The following RORA variants were observed in gnomAD, a reference collection of about 807,000 sequenced individuals.
RORA encodes the protein nuclear receptor ROR-alpha.
Under a neutral mutation model 69.5 loss-of-function variants are expected in RORA, and 7 were observed. That is an observed-to-expected ratio of 0.10 (90% CI 0.06 to 0.19). The LOEUF (loss-of-function observed/expected upper bound fraction) is 0.19, where lower values mean the gene tolerates loss of function less well. RORA is among the 10% of genes least tolerant of loss of function. The probability of loss-of-function intolerance (pLI) is 1.00; values close to 1 mark genes in which losing one functional copy is unlikely to be tolerated. For missense variants in RORA, 457 were observed against 663.0 expected (o/e 0.69, Z 3.41); for synonymous variants, 261 against 240.8 (o/e 1.08, Z -0.78).
intron 1 of RORA, among the ~76,000 whole-genome samples, chr15:60,857,400 T>C (rs1045002503): frequency 1.5e-5 from 2 of 136,448 alleles, no homozygotes; most frequent in Non-Finnish European, 3.3e-5. Flanking sequence ...GAAGTAAATG[T>C]ATCAGATGTT....
intron 1 of RORA, among the ~76,000 whole-genome samples, chr15:61,112,369 G>C (rs956538857): frequency 1.3e-5 from 2 of 152,314 alleles, no homozygotes; most frequent in African/African-American, 4.8e-5. Context: ...ACAGTGCCAG[G>C]AAAGAGGGAG....
intron 1 of RORA, among the ~76,000 whole-genome samples, chr15:60,869,300 G>A (rs776345114): frequency 4.6e-5 from 7 of 152,102 alleles, no homozygotes; most frequent in African/African-American, 7.2e-5. Flanking sequence ...CTGATTTCGC[G>A]ATTTTATAAA....
chr15:61,172,647 T>G (rs2079595517), intron 1 of RORA, among the ~76,000 whole-genome samples: 1 of 152,204 alleles, frequency 6.6e-6, no homozygotes, highest in Non-Finnish European at 1.5e-5. Context: ...TCACCACTAT[T>G]TTTAACTTCT....
At chr15:60,695,151 C>T (rs1340799079) in intron 1 of RORA, among the ~76,000 whole-genome samples, 3 of 34,118 alleles carry the variant, frequency 8.8e-5, no homozygotes, top group Non-Finnish European at 2.0e-4. Flanking sequence ...CAGCCAAAGC[C>T]TCTGCTTAGT....
intron 2 of RORA, among the ~76,000 whole-genome samples, chr15:60,589,132 CA>C (rs1385738933): frequency 1.3e-5 from 2 of 152,172 alleles, no homozygotes; most frequent in African/African-American, 2.4e-5. Flanking sequence ...AAAAATGGTA[CA>C]AAAATCCCAG....
chr15:60,733,255 T>C (rs893093924), intron 1 of RORA, among the ~76,000 whole-genome samples: 30 of 152,322 alleles, frequency 2.0e-4, no homozygotes, highest in African/African-American at 6.7e-4. Context: ...GTGATTTCTT[T>C]GAATTAGTAA....
chr15:60,561,516 C>T (rs898764352), intron 2 of RORA, among the ~76,000 whole-genome samples: 2 of 151,960 alleles, frequency 1.3e-5, no homozygotes, highest in Admixed American at 1.3e-4. Flanking sequence ...AATTTTATCC[C>T]GTGTTGTAGA....
Position 60,531,110 on chromosome 15 carries a change from C to T in RORA, c.282+656G>A, listed in dbSNP as rs954763770. 2.0e-5 allele frequency: 3 copies of T among 152,260 alleles called. No homozygotes were observed. Among genetic ancestry groups the T allele is most frequent in the Non-Finnish European group, 4.4e-5 (3 of 68,098 alleles). 9.4% of individuals were successfully genotyped at this position (152,260 alleles called of 1,614,324 possible). A position where few individuals can be genotyped will look rare whatever the true frequency, so the allele number is the denominator to read the frequency against. On this transcript the variant is annotated intron_variant, in intron 3 of 10. Coordinates refer to ENST00000335670, the MANE Select transcript of RORA (RefSeq NM_134261.3). This position sits in a 1 kb window ranked among gnomAD's most constrained non-coding sequence, Gnocchi z 4.8. ...TAAAATAGTCATAGCAGAAATAATA[C>T]TGATAATATTTAGAGTTAAATAGCA...
At chr15:60,875,305 C>T (rs2073601171) in intron 1 of RORA, among the ~76,000 whole-genome samples, 1 of 152,198 alleles carries the variant, frequency 6.6e-6, no homozygotes. Flanking sequence ...AAGGACACAG[C>T]TTTGTCTGCA....
intron 1 of RORA, among the ~76,000 whole-genome samples, chr15:61,035,263 T>C (rs973094607): frequency 1.3e-5 from 2 of 152,236 alleles, no homozygotes; most frequent in East Asian, 1.9e-4. Flanking sequence ...CGAGTGGCTA[T>C]ACAACTTCCC....
rs565586356 is a variant in RORA, at chr15:60,946,417, G to A, written c.167-267731C>T. Among the ~76,000 whole-genome samples the A allele has an allele frequency of 4.9e-4, 75 of 152,296 alleles. No individual in the cohort carries two copies. The South Asian group carries it at 6.2e-3, about 13-fold the overall frequency. On this transcript the variant is annotated intron_variant, in intron 1 of 10. Coordinates refer to ENST00000335670, the MANE Select transcript of RORA (RefSeq NM_134261.3). The stretch of plus-strand genomic sequence containing the variant: ...CGAGTGCCTGCGATTGCAGGCGCGC[G>A]CCGCCACGCCTGACTGGTTTTCGTA...
At chr15:60,700,297 A>G (rs1190215336) in intron 1 of RORA, among the ~76,000 whole-genome samples, 1 of 152,226 alleles carries the variant, frequency 6.6e-6, no homozygotes, top group Non-Finnish European at 1.5e-5. Flanking sequence ...CAAAATTTTC[A>G]GCAGCAATGC....
chr15:60,738,511 G>GC (rs113408888), intron 1 of RORA, among the ~76,000 whole-genome samples: 4,174 of 152,212 alleles, frequency 0.027, 203 homozygotes, highest in African/African-American at 0.096. Context: ...GGCTTCACAA[G>GC]CCCTTTCTCC....
At position 60,491,854 on chromosome 15, in the gene RORA, T is replaced by A. The variant is rs570635928; in HGVS notation, c.*5601A>T. On this transcript the variant is annotated 3_prime_UTR_variant, in exon 11 of 11. Coordinates refer to ENST00000335670, the MANE Select transcript of RORA (RefSeq NM_134261.3). The stretch of plus-strand genomic sequence containing the variant: ...ATGGAACCTCTTTACTAACATTATG[T>A]TTAGGGATAGAATGAAGACCTGTAT... The A allele has an allele frequency of 6.6e-6, 1 of 152,204 alleles. No individual in the cohort carries two copies. Among genetic ancestry groups the A allele is most frequent in the East Asian group, 1.9e-4 (1 of 5,184 alleles). The allele number at this position is 152,204 out of a possible 1,614,324, so 9.4% of individuals were successfully genotyped here.
At position 60,771,657 on chromosome 15, in the gene RORA, C is replaced by T. The variant is rs145891850; in HGVS notation, c.167-92971G>A. On this transcript the variant is annotated intron_variant, in intron 1 of 10. Transcript: ENST00000335670. ...CAACCTGTTCTCCAGAATGTTAGCA[C>T]GAACCCCATACATGAACTTCATCAT... Among the ~76,000 whole-genome samples the T allele has an allele frequency of 1.1e-4, 16 of 152,286 alleles. No homozygotes were observed. In the East Asian group the frequency reaches 1.4e-3, roughly 13 times the overall value.
At chr15:61,139,320 G>A (rs1381225559) in intron 1 of RORA, among the ~76,000 whole-genome samples, 2 of 152,058 alleles carry the variant, frequency 1.3e-5, no homozygotes, top group East Asian at 3.8e-4. Context: ...AATCACCATC[G>A]TTCCACGGAG....
At chr15:60,603,665 A>C (rs1310311853) in intron 2 of RORA, among the ~76,000 whole-genome samples, 3 of 152,242 alleles carry the variant, frequency 2.0e-5, no homozygotes, top group Non-Finnish European at 4.4e-5. Flanking sequence ...TGTTGATTCA[A>C]TAACATTGCA....
intron 2 of RORA, among the ~76,000 whole-genome samples, chr15:60,604,435 A>G (rs1161645464): frequency 1.3e-5 from 2 of 152,134 alleles, no homozygotes; most frequent in Non-Finnish European, 2.9e-5. Context: ...TTGCCATTCT[A>G]TGGTCTAAGT....
At chr15:61,227,176 G>C (rs1416432248) in intron 1 of RORA, among the ~76,000 whole-genome samples, 3 of 144,904 alleles carry the variant, frequency 2.1e-5, no homozygotes, top group Middle Eastern at 3.9e-3. Context: ...CCAAAAATTA[G>C]TGCAGCTTCC....
Sources: gnomAD v4.1 joint callset for allele counts (sites outside exome capture counted in the v4.1 genomes callset) on GRCh38, gnomAD v4.1.1 for gene constraint, Gnocchi (gnomAD v3.1) non-coding constraint, MANE v1.5 for transcripts, NCBI Gene and HGNC (gene_info 2026-07-23, HGNC 2026-07-21) for gene names.